FEZ2: variants seen among roughly 807,000 people sequenced by gnomAD.
FEZ2 encodes fasciculation and elongation protein zeta-2.
FEZ2 carries 51 observed loss-of-function variants against 40.4 expected under a neutral mutation model. The observed-to-expected ratio is 1.26, with a 90% CI of 1.01 to 1.59. The LOEUF (loss-of-function observed/expected upper bound fraction) is 1.59, where lower values mean the gene tolerates loss of function less well. Among genes scored for constraint, FEZ2 ranks in the 40% most tolerant of loss-of-function variants. The pLI, the probability that FEZ2 is intolerant of heterozygous loss-of-function variation, is 0.00. For synonymous variants in FEZ2, 242 were observed against 172.0 expected, an observed-to-expected ratio of 1.41 and a Z score of -3.18; for missense variants, 640 against 438.3, an observed-to-expected ratio of 1.46 and a Z score of -4.11.
intron 5 of FEZ2, 23 bp from the exon 6 acceptor site, chr2:36,558,536 G>T (rs1442793032): frequency 6.0e-6 from 8 of 1,340,696 alleles, no homozygotes; most frequent in Non-Finnish European, 8.1e-6. Flanking sequence ...AAAAAAAAAA[G>T]TGTCACTTAA....
At chr2:36,574,965 T>C (rs1351443522) in intron 5 of FEZ2, among the ~76,000 whole-genome samples, 1 of 152,184 alleles carries the variant, frequency 6.6e-6, no homozygotes, top group Non-Finnish European at 1.5e-5. Flanking sequence ...GCAGGCTCCC[T>C]TGTCAATGAG....
intron 5 of FEZ2, among the ~76,000 whole-genome samples, chr2:36,576,561 G>A (rs1289746122): frequency 4.6e-5 from 7 of 152,176 alleles, no homozygotes; most frequent in Non-Finnish European, 8.8e-5. Context: ...GTGAGCCACC[G>A]CGCCCGGCCG....
At chr2:36,585,327 A>C (rs1558456747) in intron 2 of FEZ2, among the ~76,000 whole-genome samples, 1 of 152,254 alleles carries the variant, frequency 6.6e-6, no homozygotes, top group Non-Finnish European at 1.5e-5. Flanking sequence ...TTTCTCAAAA[A>C]GCTACCAGGA....
rs768959814 is a variant in FEZ2 at position 36,598,097 on chromosome 2, G to C, written c.46C>G (p.Pro16Ala). The change falls in exon 1 of 8, where the codon CCG (proline) becomes GCG (alanine). Residue 16 changes from proline (P) to alanine (A), a missense_variant. Coordinates refer to ENST00000405912, the MANE Select transcript of FEZ2 (RefSeq NM_005102.3). Reference sequence around the variant, plus strand: ...TCCTGGTCCAGGAGGCTCCGGGCCGGCTCCTGGAACTCATAGAAATCCTGC... The same window carrying C: ...TCCTGGTCCAGGAGGCTCCGGGCCGCCTCCTGGAACTCATAGAAATCCTGC... ...DWQDFYEFQEPARSLLDQENC... is the reference protein window; with the variant it reads ...DWQDFYEFQEAARSLLDQENC... 13 of 1,495,332 alleles carry C rather than the reference G, an allele frequency of 8.7e-6. No individual in the cohort carries two copies. The highest frequency in any genetic ancestry group is 1.2e-5 in the Non-Finnish European group (13 of 1,129,146). 92.6% of individuals were successfully genotyped at this position (1,495,332 alleles called of 1,614,324 possible).
intron 1 of FEZ2, chr2:36,591,231 A>C: frequency 1.8e-6 from 1 of 562,104 alleles, no homozygotes; most frequent in Non-Finnish European, 3.2e-6. Context: ...GGGAAGGTGA[A>C]GCCGTACAGA....
intron 5 of FEZ2, among the ~76,000 whole-genome samples, chr2:36,577,369 T>C (rs1668604186): frequency 6.6e-6 from 1 of 152,088 alleles, no homozygotes; most frequent in African/African-American, 2.4e-5. Context: ...GCAATTCTCC[T>C]GCCTCAGCCT....
In FEZ2 at chr2:36,558,566, C is replaced by T. The variant is rs1668014087; in HGVS notation, c.904-53G>A. 3.6e-6 allele frequency: 4 copies of T among 1,098,890 alleles called. No individual in the cohort carries two copies. In the South Asian group the frequency reaches 6.8e-5, roughly 19 times the overall value. 68.1% of individuals were successfully genotyped at this position (1,098,890 alleles called of 1,614,324 possible). On this transcript the variant is annotated intron_variant, in intron 5 of 7. Transcript: ENST00000405912. Reference sequence around the variant, plus strand: ...ACTTAAATCGGAATTACCTTATCTGCAAAAAATTTGATACTGTTACTAGAA... The same window carrying T: ...ACTTAAATCGGAATTACCTTATCTGTAAAAAATTTGATACTGTTACTAGAA...
At chr2:36,588,203 T>G (rs1003118390) in intron 2 of FEZ2, among the ~76,000 whole-genome samples, 2 of 152,106 alleles carry the variant, frequency 1.3e-5, no homozygotes, top group Non-Finnish European at 2.9e-5. Context: ...TAATTTTGTA[T>G]TTTTAGTAGA....
chr2:36,570,728 C>T lies in FEZ2; in HGVS notation c.903+7869G>A, dbSNP rs1383215483. Among the ~76,000 whole-genome samples, 6 of 152,228 alleles carry T rather than the reference C, an allele frequency of 3.9e-5. No individual in the cohort carries two copies. The East Asian group carries it at 1.2e-3, about 29-fold the overall frequency. On this transcript the variant is annotated intron_variant, in intron 5 of 7. Coordinates refer to ENST00000405912, the MANE Select transcript of FEZ2 (RefSeq NM_005102.3). The stretch of plus-strand genomic sequence containing the variant: ...CAAACCTATATAGCCTGTTACTGTA[C>T]TGAATAATGTAGACAACAGTAACAC...
At chr2:36,577,923 T>C (rs1333641360) in intron 5 of FEZ2, among the ~76,000 whole-genome samples, 4 of 152,176 alleles carry the variant, frequency 2.6e-5, no homozygotes, top group Admixed American at 2.6e-4. Context: ...ACTCTAAAAA[T>C]AAAACCAACA....
At chr2:36,555,933 G>C (rs1376971707) in intron 6 of FEZ2, 185 bp from the exon 7 acceptor site, 1 of 678,544 alleles carries the variant, frequency 1.5e-6, no homozygotes, top group South Asian at 1.6e-5. Context: ...TTTTAGTGGA[G>C]TAAGTCCACA....
At chr2:36,566,857 T>G (rs1406478798) in intron 5 of FEZ2, among the ~76,000 whole-genome samples, 2 of 152,236 alleles carry the variant, frequency 1.3e-5, no homozygotes, top group Non-Finnish European at 2.9e-5. Context: ...TTTAAACGTC[T>G]TCTTATTTGT....
chr2:36,590,992 C>A lies in FEZ2; in HGVS notation c.286G>T (p.Asp96Tyr), dbSNP rs771867962. Reference sequence around the variant, plus strand: ...ACAGGCATCACATTCCCATAATTATCTGTCAGGGCATTCCAAATCCTTAAA... The same window carrying A: ...ACAGGCATCACATTCCCATAATTATATGTCAGGGCATTCCAAATCCTTAAA... The part of the protein sequence containing the change: ...QGDEIWNALT[D>Y]NYGNVMPVDW... Residue 96 changes from aspartate to tyrosine, a missense_variant, in exon 2 of 8, where the codon GAT becomes TAT. Physicochemically the swap from Asp to Tyr is radical, Grantham distance 160. Coordinates refer to ENST00000405912, the MANE Select transcript of FEZ2 (RefSeq NM_005102.3). The A allele has an allele frequency of 6.2e-7, 1 of 1,607,638 alleles. No homozygotes were observed. The highest frequency in any genetic ancestry group is 1.1e-5 in the South Asian group (1 of 90,948).
chr2:36,561,673 G>C (rs574072280), intron 5 of FEZ2, among the ~76,000 whole-genome samples: 25 of 152,312 alleles, frequency 1.6e-4, no homozygotes, highest in South Asian at 1.2e-3. Flanking sequence ...TGGCGGCTGA[G>C]TCAAAGGAGT....
intron 7 of FEZ2, chr2:36,554,194 T>C (rs570967002): frequency 6.4e-6 from 3 of 471,182 alleles, no homozygotes; most frequent in Admixed American, 4.7e-5. Context: ...GGCCCGAGCA[T>C]GAGGAGCAGA....
At position 36,598,096 on chromosome 2, in the gene FEZ2, G is replaced by C. The variant is rs1264019587; in HGVS notation, c.47C>G (p.Pro16Arg). 4 of 1,486,006 alleles carry C rather than the reference G, an allele frequency of 2.7e-6. No individual in the cohort carries two copies. In the East Asian group the frequency reaches 1.2e-4, roughly 44 times the overall value. The allele number at this position is 1,486,006 out of a possible 1,614,324, so 92.1% of individuals were successfully genotyped here. Reference protein sequence around the residue: ...DWQDFYEFQEPARSLLDQENC... With the variant: ...DWQDFYEFQERARSLLDQENC... ...CTCCTGGTCCAGGAGGCTCCGGGCC[G>C]GCTCCTGGAACTCATAGAAATCCTG... is the stretch of plus-strand genomic sequence containing the variant. The change falls in exon 1 of 8, where the codon CCG becomes CGG. Residue 16 changes from proline to arginine, a missense_variant. Transcript: ENST00000405912.
intron 6 of FEZ2, chr2:36,556,735 T>TCA (rs1667970401): frequency 6.6e-6 from 1 of 152,222 alleles, no homozygotes; most frequent in Middle Eastern, 3.2e-3. Context: ...AAAGGTCATA[T>TCA]CATAGTGCCT....
At chr2:36,560,875 G>C (rs750923190) in intron 5 of FEZ2, 1 of 1,566,486 alleles carries the variant, frequency 6.4e-7, no homozygotes, top group South Asian at 1.1e-5. Flanking sequence ...GCTAAAGGCG[G>C]CAATATACGG....
chr2:36,578,488 A>T, intron 5 of FEZ2, 109 bp downstream of exon 5: 1 of 1,121,610 alleles, frequency 8.9e-7, no homozygotes, highest in Non-Finnish European at 1.3e-6. Context: ...TAGAAGTGTT[A>T]ACACTCCTGC....
Sources: allele counts gnomAD v4.1 joint callset (sites outside exome capture counted in the v4.1 genomes callset), GRCh38; gene constraint gnomAD v4.1.1; transcripts MANE v1.5; gene names NCBI Gene and HGNC (gene_info 2026-07-23, HGNC 2026-07-21).